PNPLA1: variants seen among roughly 807,000 people sequenced by gnomAD.
PNPLA1 encodes the protein patatin like domain 1, omega-hydroxyceramide transacylase.
Under a neutral mutation model 51.7 loss-of-function variants are expected in PNPLA1, and 36 were observed. The observed-to-expected ratio is 0.70, with a 90% CI of 0.53 to 0.92. The LOEUF (loss-of-function observed/expected upper bound fraction) is 0.92, where lower values mean the gene tolerates loss of function less well. Among genes scored for constraint, PNPLA1 ranks in the 40% least tolerant of loss-of-function variants. The pLI is 0.00. For synonymous variants in PNPLA1, 293 were observed against 280.1 expected, an observed-to-expected ratio of 1.05 and a Z score of -0.46; for missense variants, 658 against 682.5, an observed-to-expected ratio of 0.96 and a Z score of 0.40.
intron 1 of PNPLA1, among the ~76,000 whole-genome samples, chr6:36,280,593 T>C (rs1770249586): frequency 6.6e-6 from 1 of 152,208 alleles, no homozygotes; most frequent in Non-Finnish European, 1.5e-5. Context: ...AGCAGAGGTC[T>C]CATTTCACCC....
intron 1 of PNPLA1, among the ~76,000 whole-genome samples, chr6:36,281,088 T>C (rs1770265956): frequency 1.3e-5 from 2 of 152,246 alleles, no homozygotes; most frequent in Admixed American, 6.5e-5. Context: ...CCATGGCACC[T>C]GATCTCTTGT....
At chr6:36,251,147 C>T (rs1301589954) in intron 1 of PNPLA1, among the ~76,000 whole-genome samples, 1 of 152,222 alleles carries the variant, frequency 6.6e-6, no homozygotes, top group Non-Finnish European at 1.5e-5. Context: ...CACCCCCTCA[C>T]TTCATTCCTG....
intron 1 of PNPLA1, among the ~76,000 whole-genome samples, chr6:36,246,321 C>T (rs531521792): frequency 6.6e-6 from 1 of 152,234 alleles, no homozygotes; most frequent in East Asian, 1.9e-4. Flanking sequence ...TCTCCCATCT[C>T]AGCCTCCCAA....
chr6:36,253,662 A>G (rs1224454655), intron 1 of PNPLA1, among the ~76,000 whole-genome samples: 1 of 152,152 alleles, frequency 6.6e-6, no homozygotes, highest in Non-Finnish European at 1.5e-5. Flanking sequence ...AAATTTTAGT[A>G]GAGACTGGGT....
At chr6:36,245,978 T>A (rs887338446) in intron 1 of PNPLA1, among the ~76,000 whole-genome samples, 1 of 152,230 alleles carries the variant, frequency 6.6e-6, no homozygotes, top group Non-Finnish European at 1.5e-5. Context: ...GATATACGAA[T>A]GGCACAGGGC....
chr6:36,296,100 C>G (rs1371515913), intron 5 of PNPLA1, among the ~76,000 whole-genome samples: 1 of 152,152 alleles, frequency 6.6e-6, no homozygotes, highest in Non-Finnish European at 1.5e-5. Context: ...CACTTGAGCC[C>G]AGGAATTTGA....
At chr6:36,259,745 A>G (rs1296369923) in intron 1 of PNPLA1, among the ~76,000 whole-genome samples, 1 of 152,212 alleles carries the variant, frequency 6.6e-6, no homozygotes, top group Non-Finnish European at 1.5e-5. Flanking sequence ...AGAAAACCAG[A>G]TACCGCATGT....
intron 1 of PNPLA1, among the ~76,000 whole-genome samples, chr6:36,289,186 A>G (rs1245011795): frequency 6.6e-6 from 1 of 152,140 alleles, no homozygotes; most frequent in Non-Finnish European, 1.5e-5. Flanking sequence ...GATTTTTGTA[A>G]TAAGAACAAA....
chr6:36,300,924 A>G (rs1346482505), intron 5 of PNPLA1, among the ~76,000 whole-genome samples: 7 of 152,198 alleles, frequency 4.6e-5, no homozygotes, highest in African/African-American at 7.2e-5. Flanking sequence ...ATATGTTTAT[A>G]TCAGTATGGA....
At chr6:36,283,158 G>T (rs1770374297) in intron 1 of PNPLA1, among the ~76,000 whole-genome samples, 1 of 152,024 alleles carries the variant, frequency 6.6e-6, no homozygotes, top group Non-Finnish European at 1.5e-5. Context: ...ATCAATATTG[G>T]TACATTCCTA....
At chr6:36,266,006 C>G (rs1367137168), upstream of PNPLA1, among the ~76,000 whole-genome samples, 4 of 152,246 alleles carry the variant, frequency 2.6e-5, no homozygotes, top group African/African-American at 9.6e-5. Flanking sequence ...CTCTCTCTCA[C>G]TCTCTTCATC....
chr6:36,287,286 C>T (rs911885165), intron 1 of PNPLA1, among the ~76,000 whole-genome samples: 2 of 152,102 alleles, frequency 1.3e-5, no homozygotes, highest in Non-Finnish European at 2.9e-5. Flanking sequence ...GAGGAGCTTC[C>T]TATGGGCAAA....
At chr6:36,290,007 C>A (rs760935987) in intron 1 of PNPLA1, among the ~76,000 whole-genome samples, 2 of 152,134 alleles carry the variant, frequency 1.3e-5, no homozygotes, top group African/African-American at 2.4e-5. Context: ...TGCAAGGTGC[C>A]TGTGAGAATC....
chr6:36,283,493 C>T (rs1365136044), intron 1 of PNPLA1, among the ~76,000 whole-genome samples: 1 of 152,098 alleles, frequency 6.6e-6, no homozygotes, highest in Non-Finnish European at 1.5e-5. Flanking sequence ...TACGAAATCA[C>T]CACGTAAGGA....
chr6:36,305,389 C>T (rs1240269242), intron 6 of PNPLA1, among the ~76,000 whole-genome samples: 1 of 151,968 alleles, frequency 6.6e-6, no homozygotes, highest in Non-Finnish European at 1.5e-5. Flanking sequence ...CTAGGAATAT[C>T]CAAAAACAAA....
upstream of PNPLA1, among the ~76,000 whole-genome samples, chr6:36,268,881 G>T (rs945646741): frequency 1.1e-4 from 17 of 152,164 alleles, no homozygotes; most frequent in African/African-American, 4.1e-4. Context: ...GGTCTCTGCT[G>T]TCCAAAAGCT....
chr6:36,304,142 G>A (rs568694794), intron 6 of PNPLA1, among the ~76,000 whole-genome samples: 4 of 152,290 alleles, frequency 2.6e-5, no homozygotes, highest in African/African-American at 9.6e-5. Flanking sequence ...GATGGTCTGG[G>A]TGGAGACAGA....
chr6:36,301,114 G>GCCCCCCCCCCCCC (rs71540149), intron 5 of PNPLA1, among the ~76,000 whole-genome samples: 1 of 99,922 alleles, frequency 1.0e-5, no homozygotes, highest in Non-Finnish European at 1.9e-5. Flanking sequence ...CCATCCCCCC[G>GCCCCCCCCCCCCC]CCCCCCCACC....
chr6:36,295,447 G>A (rs753152329), intron 5 of PNPLA1, 23 bp downstream of exon 5: 1 of 1,611,762 alleles, frequency 6.2e-7, no homozygotes, highest in East Asian at 2.2e-5. Flanking sequence ...GGGGCCCCAG[G>A]TAAGGGCAGT....
Sources: allele counts gnomAD v4.1 joint callset (sites outside exome capture counted in the v4.1 genomes callset), GRCh38; gene constraint gnomAD v4.1.1; transcripts MANE v1.5; gene names NCBI Gene and HGNC (gene_info 2026-07-23, HGNC 2026-07-21).